Variants in ABLIM1 observed in about 807,000 individuals in gnomAD.
The protein encoded by ABLIM1 is actin-binding LIM protein 1.
ABLIM1 carries 40 observed loss-of-function variants against 107.0 expected under a neutral mutation model. That is an observed-to-expected ratio of 0.37 (90% CI 0.29 to 0.49). ABLIM1 has a LOEUF of 0.49. Ranked by LOEUF, ABLIM1 falls within the 20% of genes least tolerant of loss-of-function variation. The probability of loss-of-function intolerance (pLI) is 0.97; values close to 1 mark genes in which losing one functional copy is unlikely to be tolerated. For synonymous variants in ABLIM1, 357 were observed against 357.3 expected (o/e 1.00, Z 0.01); for missense variants, 857 against 1,008.5 (o/e 0.85, Z 2.04).
At chr10:114,634,135 T>TC (rs1470904406) in intron 1 of ABLIM1, among the ~76,000 whole-genome samples, 1 of 92,160 alleles carries the variant, frequency 1.1e-5, no homozygotes, top group South Asian at 4.4e-4. Flanking sequence ...TTTTCTTTTT[T>TC]TTTTTTTTTT....
intron 22 of ABLIM1, among the ~76,000 whole-genome samples, chr10:114,437,140 A>T (rs1018068469): frequency 1.9e-4 from 29 of 152,030 alleles, no homozygotes; most frequent in Non-Finnish European, 4.1e-4. Context: ...TGCCGCTCCC[A>T]CAGCCTCCCA....
At chr10:114,683,667 C>T (rs937009408) in intron 1 of ABLIM1, among the ~76,000 whole-genome samples, 2 of 152,194 alleles carry the variant, frequency 1.3e-5, no homozygotes, top group South Asian at 4.1e-4. Context: ...ATAAGTTACA[C>T]TCTCTTATCT....
chr10:114,655,973 T>C (rs1293335814), intron 1 of ABLIM1, among the ~76,000 whole-genome samples: 1 of 151,964 alleles, frequency 6.6e-6, no homozygotes, highest in Non-Finnish European at 1.5e-5. Context: ...ATGGCTAGAA[T>C]AAAAAAGTCA....
At chr10:114,575,757 C>T (rs1297525364) in intron 2 of ABLIM1, among the ~76,000 whole-genome samples, 158 bp from the exon 3 acceptor site, 1 of 152,146 alleles carries the variant, frequency 6.6e-6, no homozygotes, top group East Asian at 1.9e-4. Flanking sequence ...GGGCTCTGAC[C>T]CTCCCTTTGG....
intron 21 of ABLIM1, among the ~76,000 whole-genome samples, chr10:114,438,913 T>C (rs996949777): frequency 6.6e-6 from 1 of 152,186 alleles, no homozygotes; most frequent in Non-Finnish European, 1.5e-5. Flanking sequence ...GTAATGCACA[T>C]GGCAGAGGCC....
chr10:114,597,655 T>C (rs1365835911), intron 2 of ABLIM1, among the ~76,000 whole-genome samples: 1 of 152,148 alleles, frequency 6.6e-6, no homozygotes, highest in Non-Finnish European at 1.5e-5. Context: ...GAGAAATGTC[T>C]CGTGTCAGAG....
intron 3 of ABLIM1, among the ~76,000 whole-genome samples, chr10:114,573,201 T>C (rs891599755): frequency 6.6e-6 from 1 of 152,220 alleles, no homozygotes; most frequent in Non-Finnish European, 1.5e-5. Context: ...GAAAGAGACC[T>C]GGATTTAGAG....
chr10:114,498,702 T>A (rs764050513), intron 6 of ABLIM1, among the ~76,000 whole-genome samples: 7 of 152,232 alleles, frequency 4.6e-5, no homozygotes, highest in Non-Finnish European at 1.0e-4. Context: ...GAGAAGGACA[T>A]GATTTTAAAA....
chr10:114,472,952 C>T (rs1308264900), intron 10 of ABLIM1, 25 bp downstream of exon 10: 1 of 1,524,164 alleles, frequency 6.6e-7, no homozygotes, highest in Non-Finnish European at 8.8e-7. Flanking sequence ...TGTTGTACAA[C>T]TCACAACCAG....
chr10:114,788,389 A>G, the ABLIM1 span, among the ~76,000 whole-genome samples: 2 of 151,252 alleles, frequency 1.3e-5, no homozygotes, highest in Non-Finnish European at 2.9e-5. Context: ...TTACACAGCT[A>G]GTAGCAGAGC....
At position 114,509,245 on chromosome 10, in the gene ABLIM1, C is replaced by T. The variant is rs553561446; in HGVS notation, c.895-17367G>A. 5.8e-3 allele frequency among the ~76,000 whole-genome samples: 882 copies of T among 152,218 alleles called. 4 individuals carry two copies. The highest frequency in any genetic ancestry group is 1.0e-2 in the Non-Finnish European group (678 of 68,004). ...TGGTGAGGAAGCAGCATGGAGAGTG[C>T]GGTGTGAGAAAGGACTCCCAGGACG... is the stretch of plus-strand genomic sequence containing the variant. On this transcript the variant is annotated intron_variant, in intron 6 of 22. Transcript: ENST00000533213.
chr10:114,480,574 G>C (rs1009649304), intron 8 of ABLIM1, among the ~76,000 whole-genome samples: 3 of 152,168 alleles, frequency 2.0e-5, no homozygotes, highest in Non-Finnish European at 2.9e-5. Context: ...ATGGAGGTGG[G>C]GTGAGGTGAG....
intron 12 of ABLIM1, chr10:114,463,182 AG>A (rs1460483194): frequency 7.9e-7 from 1 of 1,259,818 alleles, no homozygotes; most frequent in African/African-American, 1.5e-5. Flanking sequence ...GCAAGGAGTC[AG>A]GGGCAGGGCA....
chr10:114,763,473 C>T (rs2082801308), intron 1 of ABLIM1, among the ~76,000 whole-genome samples: 1 of 151,942 alleles, frequency 6.6e-6, no homozygotes, highest in South Asian at 2.1e-4. Flanking sequence ...CTGCAACCTC[C>T]ACATCCCAGG....
intron 5 of ABLIM1, chr10:114,547,366 G>GCCCT (rs2067492629): frequency 2.9e-6 from 1 of 342,684 alleles, no homozygotes; most frequent in African/African-American, 2.1e-5. Context: ...AACAGCAACA[G>GCCCT]GGAAATTATT....
At chr10:114,772,060 A>G (rs2083030653), upstream of ABLIM1, among the ~76,000 whole-genome samples, 1 of 152,178 alleles carries the variant, frequency 6.6e-6, no homozygotes, top group African/African-American at 2.4e-5. Flanking sequence ...TTCTTTCTGC[A>G]TAACTTCAAG....
intron 1 of ABLIM1, chr10:114,632,193 C>A: frequency 3.0e-6 from 3 of 985,386 alleles, no homozygotes; most frequent in Non-Finnish European, 3.6e-6. Flanking sequence ...GCGGCTGAAA[C>A]CACTCGCTAC....
upstream of ABLIM1, among the ~76,000 whole-genome samples, chr10:114,658,484 G>A (rs974319055): frequency 1.3e-5 from 2 of 152,116 alleles, no homozygotes; most frequent in Admixed American, 1.3e-4. Context: ...CAGAATAAGA[G>A]AAAGAATATA....
intron 2 of ABLIM1, among the ~76,000 whole-genome samples, chr10:114,577,269 C>G (rs1216316870): frequency 6.6e-6 from 1 of 152,152 alleles, no homozygotes; most frequent in Non-Finnish European, 1.5e-5. Flanking sequence ...CTGCCTGAAA[C>G]TTGGCAGGTT....
Sources: allele counts gnomAD v4.1 joint callset (sites outside exome capture counted in the v4.1 genomes callset), GRCh38; gene constraint gnomAD v4.1.1; transcripts MANE v1.5; gene names NCBI Gene and HGNC (gene_info 2026-07-23, HGNC 2026-07-21).